STXBP5L: variants seen among roughly 807,000 people sequenced by gnomAD.
The protein encoded by STXBP5L is syntaxin binding protein 5L, also known as syntaxin-binding protein 5-like.
STXBP5L carries 65 observed loss-of-function variants against 144.5 expected under a neutral mutation model. The ratio of observed to expected loss-of-function variants is 0.45; its 90% CI spans 0.37 to 0.55. STXBP5L has a LOEUF of 0.55. Among genes scored for constraint, STXBP5L ranks in the 20% least tolerant of loss-of-function variants. The pLI, the probability that STXBP5L is intolerant of heterozygous loss-of-function variation, is 0.00. For missense variants in STXBP5L, 1,298 were observed against 1,405.5 expected, an observed-to-expected ratio of 0.92 and a Z score of 1.22; for synonymous variants, 505 against 469.6, an observed-to-expected ratio of 1.08 and a Z score of -0.97.
At chr3:121,007,013 T>G (rs1027628271) in intron 3 of STXBP5L, among the ~76,000 whole-genome samples, 2 of 152,176 alleles carry the variant, frequency 1.3e-5, no homozygotes, top group South Asian at 2.1e-4. Flanking sequence ...TTGGTGAATC[T>G]GACAATTATG....
intron 20 of STXBP5L, among the ~76,000 whole-genome samples, chr3:121,321,537 G>A (rs2043970643): frequency 6.6e-6 from 1 of 152,146 alleles, no homozygotes; most frequent in African/African-American, 2.4e-5. Flanking sequence ...TGCTGTTGTA[G>A]GAATTGCTGC....
rs891482921 is a variant in STXBP5L, at chr3:121,257,215, G to C, written c.1714G>C (p.Glu572Gln). The change falls in exon 17 of 27, where the codon GAA becomes CAA. Residue 572 changes from glutamate (E) to glutamine (Q), a missense_variant. Transcript: ENST00000471454. ...TGAAGATATTATTACCCCTGAACCA[G>C]AAACAAGTCCTCCGTTTCCAGATCT... ...DVEDIITPEP[E>Q]TSPPFPDLSA... is the part of the protein sequence containing the mutation. 6.2e-7 allele frequency: 1 copy of C among 1,613,774 alleles called. No homozygotes were observed. Among genetic ancestry groups the C allele is most frequent in the Non-Finnish European group, 8.5e-7 (1 of 1,179,790 alleles).
intron 3 of STXBP5L, among the ~76,000 whole-genome samples, chr3:120,982,946 G>C (rs895691365): frequency 3.3e-5 from 5 of 152,282 alleles, no homozygotes; most frequent in Admixed American, 2.6e-4. Context: ...GAGTGGGCTG[G>C]TCCCCAGTCC....
chr3:120,935,988 C>T (rs992972641), intron 2 of STXBP5L, among the ~76,000 whole-genome samples: 2 of 152,076 alleles, frequency 1.3e-5, no homozygotes, highest in East Asian at 1.9e-4. Flanking sequence ...TTCTGATATT[C>T]CCATTATGTG....
intron 3 of STXBP5L, among the ~76,000 whole-genome samples, chr3:120,983,202 C>G (rs117353477): frequency 6.6e-6 from 1 of 152,116 alleles, no homozygotes; most frequent in Non-Finnish European, 1.5e-5. Context: ...GGGCAGAACA[C>G]AGGCGTCTGG....
At chr3:121,055,752 G>T (rs1316312360) in intron 5 of STXBP5L, among the ~76,000 whole-genome samples, 2 of 151,922 alleles carry the variant, frequency 1.3e-5, no homozygotes, top group East Asian at 3.9e-4. Context: ...CTAAGCTGGA[G>T]TACAGTAGCA....
At chr3:121,047,981 A>T (rs1947641568) in intron 5 of STXBP5L, among the ~76,000 whole-genome samples, 1 of 152,062 alleles carries the variant, frequency 6.6e-6, no homozygotes, top group Non-Finnish European at 1.5e-5. Flanking sequence ...GTAGTAGCTT[A>T]TAACAGTCTT....
chr3:121,160,978 T>C (rs2046303770), intron 9 of STXBP5L, among the ~76,000 whole-genome samples: 1 of 152,166 alleles, frequency 6.6e-6, no homozygotes, highest in Admixed American at 6.5e-5. Context: ...CATGTAGATC[T>C]ATTTCTCTTC....
chr3:121,347,152 G>A lies in STXBP5L; in HGVS notation c.2176+28612G>A, dbSNP rs528039982. ...GTATAAGGTGTAAGGAAGGGATCTA[G>A]TTTCAGCTTTCTACATATGGCTAGC... On this transcript the variant is annotated intron_variant, in intron 20 of 26. Transcript: ENST00000471454. Among the ~76,000 whole-genome samples, 256 of 152,290 alleles carry A rather than the reference G, an allele frequency of 1.7e-3. 1 individual carries two copies. The highest frequency in any genetic ancestry group is 2.4e-3 in the Non-Finnish European group (162 of 68,022).
intron 9 of STXBP5L, among the ~76,000 whole-genome samples, chr3:121,199,319 G>T (rs892291933): frequency 1.3e-5 from 2 of 152,100 alleles, no homozygotes; most frequent in African/African-American, 4.8e-5. Flanking sequence ...TGTGATTTTT[G>T]CACACTGATT....
chr3:121,311,880 A>G (rs904170974), intron 19 of STXBP5L, among the ~76,000 whole-genome samples: 4 of 152,172 alleles, frequency 2.6e-5, no homozygotes, highest in African/African-American at 7.2e-5. Flanking sequence ...AGCCCGCATC[A>G]CCAAGTCAAT....
intron 22 of STXBP5L, among the ~76,000 whole-genome samples, chr3:121,394,020 A>T (rs2046662118): frequency 6.6e-6 from 1 of 152,150 alleles, no homozygotes; most frequent in East Asian, 1.9e-4. Flanking sequence ...TTTGGGCAGT[A>T]TGGTCATTTT....
intron 19 of STXBP5L, among the ~76,000 whole-genome samples, chr3:121,302,616 G>GTTC (rs2051965367): frequency 6.6e-6 from 1 of 151,958 alleles, no homozygotes; most frequent in Admixed American, 6.6e-5. Context: ...TGCTTCTCTT[G>GTTC]TTCTTTTAAT....
intron 14 of STXBP5L, among the ~76,000 whole-genome samples, chr3:121,242,155 A>G (rs900875979): frequency 1.3e-5 from 2 of 152,060 alleles, no homozygotes; most frequent in Non-Finnish European, 2.9e-5. Context: ...AGCTAAAGGA[A>G]GTTCCCTACA....
chr3:120,986,358 T>C (rs1285056490), intron 3 of STXBP5L, among the ~76,000 whole-genome samples: 1 of 151,944 alleles, frequency 6.6e-6, no homozygotes, highest in African/African-American at 2.4e-5. Flanking sequence ...ATGCTATGGT[T>C]TGGTCGAGTG....
intron 9 of STXBP5L, among the ~76,000 whole-genome samples, chr3:121,191,472 G>A (rs1311868317): frequency 6.6e-6 from 1 of 152,322 alleles, no homozygotes; most frequent in African/African-American, 2.4e-5. Flanking sequence ...AGTTTGCAGT[G>A]AGTCGAGATA....
At chr3:121,092,761 A>C (rs140947501) in intron 5 of STXBP5L, among the ~76,000 whole-genome samples, 101 of 152,122 alleles carry the variant, frequency 6.6e-4, no homozygotes, top group African/African-American at 2.4e-3. Context: ...AATACCCTTT[A>C]TTTCCTTCTC....
At chr3:121,264,926 G>T (rs1219319999) in intron 18 of STXBP5L, among the ~76,000 whole-genome samples, 1 of 151,690 alleles carries the variant, frequency 6.6e-6, no homozygotes, top group Admixed American at 6.6e-5. Flanking sequence ...GTAGCAAGAA[G>T]AGCTAACTAT....
At chr3:121,140,855 T>C (rs1207594594) in intron 7 of STXBP5L, among the ~76,000 whole-genome samples, 13 of 152,200 alleles carry the variant, frequency 8.5e-5, no homozygotes, top group Admixed American at 8.5e-4. Flanking sequence ...GGTAATGATA[T>C]ATTGCACTGT....
Sources: gnomAD v4.1 joint callset for allele counts (sites outside exome capture counted in the v4.1 genomes callset) on GRCh38, gnomAD v4.1.1 for gene constraint, MANE v1.5 for transcripts, NCBI Gene and HGNC (gene_info 2026-07-23, HGNC 2026-07-21) for gene names.